The following TRPC1 variants were observed in gnomAD, a reference collection of about 807,000 sequenced individuals.
TRPC1 encodes the protein transient receptor potential cation channel subfamily C member 1.
Under a neutral mutation model 88.2 loss-of-function variants are expected in TRPC1, and 42 were observed. The observed-to-expected ratio is 0.48, with a 90% confidence interval of 0.37 to 0.62. The LOEUF (loss-of-function observed/expected upper bound fraction) is 0.62. TRPC1 is among the 20% of genes least tolerant of loss of function. The pLI, the probability that TRPC1 is intolerant of heterozygous loss-of-function variation, is 0.00. For synonymous variants in TRPC1, 288 were observed against 331.8 expected (o/e 0.87, Z 1.43); for missense variants, 699 against 957.3 (o/e 0.73, Z 3.56).
chr3:142,742,519 C>A (rs1291249776), intron 2 of TRPC1, among the ~76,000 whole-genome samples: 1 of 151,954 alleles, frequency 6.6e-6, no homozygotes, highest in African/African-American at 2.4e-5. Context: ...TTTTTACATC[C>A]AGATAAAGTG....
At chr3:142,805,930 CTG>C (rs1465462437) in intron 12 of TRPC1, 76 bp from the exon 13 acceptor site, 4 of 1,264,510 alleles carry the variant, frequency 3.2e-6, no homozygotes, top group Non-Finnish European at 4.5e-6. Flanking sequence ...GTGTTTGTGT[CTG>C]TGAATATATT....
intron 4 of TRPC1, among the ~76,000 whole-genome samples, chr3:142,759,923 C>T (rs1319776863): frequency 6.6e-5 from 10 of 152,122 alleles, no homozygotes; most frequent in African/African-American, 1.9e-4. Context: ...GGCGCGATCT[C>T]GGCTCACTGC....
chr3:142,756,688 A>G (rs1042454111), intron 4 of TRPC1, among the ~76,000 whole-genome samples: 1 of 152,008 alleles, frequency 6.6e-6, no homozygotes. Context: ...TCTGCCACAT[A>G]CTTACTGAAA....
chr3:142,784,644 A>G (rs1477129029), intron 6 of TRPC1, 60 bp from the exon 7 acceptor site: 17 of 1,253,416 alleles, frequency 1.4e-5, no homozygotes, highest in Non-Finnish European at 1.9e-5. Flanking sequence ...TCAACCAATC[A>G]GTATTTAAAG....
Position 142,791,093 on chromosome 3 carries a change from C to T in TRPC1, c.1372C>T (p.Leu458Phe), listed in dbSNP as rs1315428954. ...EDFLEESRNQ[L>F]SFVMNSLYLA... ...CTTTTTAGAAGAATCTCGTAATCAA[C>T]TCAGTTTTGTCATGAATTCTCTTTA... Residue 458 changes from leucine to phenylalanine, a missense_variant, in exon 8 of 13, where the codon CTC becomes TTC. Leu to Phe is a conservative substitution (Grantham distance 22, BLOSUM62 0). Coordinates refer to ENST00000476941, the MANE Select transcript of TRPC1 (RefSeq NM_001251845.2). 2 of 1,610,418 alleles carry T rather than the reference C, an allele frequency of 1.2e-6. No homozygotes were observed. Among genetic ancestry groups the T allele is most frequent in the Non-Finnish European group, 8.5e-7 (1 of 1,178,454 alleles).
At chr3:142,784,160 A>C (rs1936055566) in intron 6 of TRPC1, among the ~76,000 whole-genome samples, 1 of 152,100 alleles carries the variant, frequency 6.6e-6, no homozygotes, top group Non-Finnish European at 1.5e-5. Flanking sequence ...GGCTTCTGGT[A>C]ACTAAAATCA....
chr3:142,780,397 T>C (rs1186682590), intron 5 of TRPC1, among the ~76,000 whole-genome samples: 3 of 152,296 alleles, frequency 2.0e-5, no homozygotes, highest in South Asian at 2.1e-4. Flanking sequence ...TAGATGACTA[T>C]TGAAAAAGCT....
intron 4 of TRPC1, among the ~76,000 whole-genome samples, chr3:142,751,247 A>G (rs1333797994): frequency 6.6e-6 from 1 of 152,184 alleles, no homozygotes; most frequent in Non-Finnish European, 1.5e-5. Flanking sequence ...ACCCAGGGCA[A>G]CTTCCAATTC....
chr3:142,773,848 G>A (rs1935666795), intron 4 of TRPC1, among the ~76,000 whole-genome samples: 1 of 150,364 alleles, frequency 6.7e-6, no homozygotes, highest in Non-Finnish European at 1.5e-5. Flanking sequence ...TCCTCAGGGA[G>A]GCACCTTTTC....
At chr3:142,778,099 C>G (rs1935844678) in intron 5 of TRPC1, among the ~76,000 whole-genome samples, 1 of 152,174 alleles carries the variant, frequency 6.6e-6, no homozygotes, top group African/African-American at 2.4e-5. Flanking sequence ...TGCTCTCTCT[C>G]TCACACATAT....
chr3:142,730,683 T>C (rs1933868241), intron 1 of TRPC1, among the ~76,000 whole-genome samples: 1 of 151,680 alleles, frequency 6.6e-6, no homozygotes, highest in Non-Finnish European at 1.5e-5. Flanking sequence ...TTTATCAGTA[T>C]TGTCATTTAT....
intron 1 of TRPC1, among the ~76,000 whole-genome samples, chr3:142,728,778 T>C (rs79858942): frequency 0.061 from 9,282 of 152,284 alleles, 389 homozygotes; most frequent in East Asian, 0.18. Context: ...ACCTTATTTA[T>C]ATATAATGGG....
At chr3:142,726,482 G>T (rs1189863833) in intron 1 of TRPC1, among the ~76,000 whole-genome samples, 2 of 151,818 alleles carry the variant, frequency 1.3e-5, no homozygotes, top group Non-Finnish European at 2.9e-5. Flanking sequence ...ACTTGGCTTT[G>T]GGGGGGTAGG....
intron 7 of TRPC1, chr3:142,785,248 C>T (rs200787313): frequency 5.0e-6 from 2 of 399,914 alleles, no homozygotes; most frequent in East Asian, 8.9e-5. Context: ...AAGCATCTCT[C>T]TTATTTAATA....
intron 6 of TRPC1, among the ~76,000 whole-genome samples, chr3:142,782,563 A>G (rs1383707836): frequency 6.6e-6 from 1 of 152,206 alleles, no homozygotes; most frequent in African/African-American, 2.4e-5. Context: ...AGGAAAGGGC[A>G]TGGCAATCAT....
chr3:142,787,656 C>T (rs1292336619), intron 7 of TRPC1, among the ~76,000 whole-genome samples: 1 of 152,152 alleles, frequency 6.6e-6, no homozygotes, highest in Non-Finnish European at 1.5e-5. Flanking sequence ...ATGGCCCATA[C>T]ACTCGTGAAG....
At chr3:142,732,510 G>T (rs573749866) in intron 1 of TRPC1, among the ~76,000 whole-genome samples, 2 of 152,128 alleles carry the variant, frequency 1.3e-5, no homozygotes, top group South Asian at 4.1e-4. Context: ...GAGAATCTTG[G>T]TCAGCAGCTG....
chr3:142,770,376 C>T (rs1488821828), intron 4 of TRPC1, among the ~76,000 whole-genome samples: 1 of 152,142 alleles, frequency 6.6e-6, no homozygotes, highest in Non-Finnish European at 1.5e-5. Flanking sequence ...GGAATACAGG[C>T]GTGAGCCGCT....
intron 5 of TRPC1, among the ~76,000 whole-genome samples, chr3:142,779,247 AG>A (rs1935881294): frequency 6.6e-6 from 1 of 152,218 alleles, no homozygotes; most frequent in Non-Finnish European, 1.5e-5. Flanking sequence ...TACTAATAGC[AG>A]CATCTAATTA....
Sources: gnomAD v4.1 joint callset for allele counts (sites outside exome capture counted in the v4.1 genomes callset) on GRCh38, gnomAD v4.1.1 for gene constraint, MANE v1.5 for transcripts, NCBI Gene and HGNC (gene_info 2026-07-23, HGNC 2026-07-21) for gene names.